PHC3: variants seen among roughly 807,000 people sequenced by gnomAD.
PHC3 encodes the protein polyhomeotic-like protein 3.
In PHC3, 13 loss-of-function variants were observed where a neutral mutation model predicts 107.4. The ratio of observed to expected loss-of-function variants is 0.12; its 90% confidence interval spans 0.08 to 0.19. The LOEUF (loss-of-function observed/expected upper bound fraction) is 0.19. Ranked by LOEUF, PHC3 falls within the 10% of genes least tolerant of loss-of-function variation. The probability of loss-of-function intolerance (pLI) is 1.00; values close to 1 mark genes in which losing one functional copy is unlikely to be tolerated. For synonymous variants in PHC3, 456 were observed against 427.4 expected (o/e 1.07, Z -0.83); for missense variants, 992 against 1,210.9 (o/e 0.82, Z 2.68).
chr3:170,177,765 G>A (rs1246838859), intron 2 of PHC3, among the ~76,000 whole-genome samples: 1 of 150,978 alleles, frequency 6.6e-6, no homozygotes, highest in African/African-American at 2.4e-5. Context: ...TGACCTCCTG[G>A]GCTCAAGCAA....
chr3:170,142,306 T>C (rs1447463161), intron 6 of PHC3, among the ~76,000 whole-genome samples: 1 of 152,216 alleles, frequency 6.6e-6, no homozygotes, highest in Non-Finnish European at 1.5e-5. Flanking sequence ...AATAATAAAA[T>C]GGTAGAGCAA....
intron 4 of PHC3, among the ~76,000 whole-genome samples, chr3:170,163,916 C>G (rs1728324463): frequency 6.9e-6 from 1 of 145,144 alleles, no homozygotes; most frequent in Non-Finnish European, 1.5e-5. Flanking sequence ...TATAGGAAAG[C>G]AGGCCAGGCA....
chr3:170,099,180 T>C (rs564076588), intron 14 of PHC3, among the ~76,000 whole-genome samples: 2 of 152,328 alleles, frequency 1.3e-5, no homozygotes, highest in South Asian at 2.1e-4. Context: ...GAGGAAAATA[T>C]GTAGCACATT....
chr3:170,107,261 G>C (rs1320908969), intron 11 of PHC3, among the ~76,000 whole-genome samples: 17 of 152,174 alleles, frequency 1.1e-4, no homozygotes, highest in Non-Finnish European at 5.9e-5. Context: ...AAATGAAGAT[G>C]AATAACATAG....
chr3:170,156,330 C>T (rs1726892461), intron 4 of PHC3, among the ~76,000 whole-genome samples: 1 of 152,154 alleles, frequency 6.6e-6, no homozygotes, highest in Non-Finnish European at 1.5e-5. Flanking sequence ...AATCTCCGCT[C>T]ACTGCAACCT....
At chr3:170,139,632 A>G (rs1418513192) in intron 6 of PHC3, among the ~76,000 whole-genome samples, 1 of 152,234 alleles carries the variant, frequency 6.6e-6, no homozygotes, top group African/African-American at 2.4e-5. Flanking sequence ...ATATACTTAC[A>G]TACACTATGT....
intron 7 of PHC3, among the ~76,000 whole-genome samples, chr3:170,130,932 G>T (rs576682139): frequency 3.4e-4 from 51 of 151,492 alleles, no homozygotes; most frequent in African/African-American, 1.1e-3. Flanking sequence ...CCTAACCTTG[G>T]AATATTAGGA....
rs1029976586 is a variant in PHC3, at chr3:170,087,988, C to T, written c.*9242G>A. The T allele has an allele frequency of 6.6e-6, 1 of 152,062 alleles. No individual in the cohort carries two copies. Among genetic ancestry groups the T allele is most frequent in the Non-Finnish European group, 1.5e-5 (1 of 67,996 alleles). 9.4% of individuals were successfully genotyped at this position (152,062 alleles called of 1,614,324 possible). A position where few individuals can be genotyped will look rare whatever the true frequency, so the allele number is the denominator to read the frequency against. Reference sequence around the variant, plus strand: ...ATAGATCAAATGTGCTCTTACAATGCAAAATTAACCTTCATTTTCAGGTTA... The same window carrying T: ...ATAGATCAAATGTGCTCTTACAATGTAAAATTAACCTTCATTTTCAGGTTA... On this transcript the variant is annotated 3_prime_UTR_variant, in exon 15 of 15. Transcript: ENST00000495893.
intron 14 of PHC3, among the ~76,000 whole-genome samples, chr3:170,100,536 A>C (rs1715305625): frequency 6.6e-6 from 1 of 152,206 alleles, no homozygotes; most frequent in Non-Finnish European, 1.5e-5. Flanking sequence ...CCAGACTCTA[A>C]AATAGTAGTA....
chr3:170,173,584 ATTGAG>A (rs926499059), intron 2 of PHC3, among the ~76,000 whole-genome samples: 7 of 152,206 alleles, frequency 4.6e-5, no homozygotes, highest in African/African-American at 1.7e-4. Context: ...CAACTAAAGA[ATTGAG>A]TTAATTTTAA....
intron 7 of PHC3, among the ~76,000 whole-genome samples, chr3:170,135,676 TA>T (rs1363120535): frequency 0.014 from 1,987 of 144,396 alleles, 42 homozygotes; most frequent in African/African-American, 0.045. Context: ...TCAGGAAATT[TA>T]AAAAAAAAAA....
rs1714653508 is a variant in PHC3, at chr3:170,096,422, TATAAG to T, written c.*803_*807del. On this transcript the variant is annotated 3_prime_UTR_variant, in exon 15 of 15. Coordinates refer to ENST00000495893, the MANE Select transcript of PHC3 (RefSeq NM_024947.4). Reference sequence around the variant, plus strand: ...AGTGGAGGGGTGCTGTCCTGTGCATTATAAGATGTTTAGAAACATCTCTGGCTTCT... The same window carrying T: ...AGTGGAGGGGTGCTGTCCTGTGCATTATGTTTAGAAACATCTCTGGCTTCT... The T allele has an allele frequency of 2.6e-5, 4 of 152,060 alleles. No homozygotes were observed. The highest frequency in any genetic ancestry group is 4.1e-4 in the South Asian group (2 of 4,820). 9.4% of individuals were successfully genotyped at this position (152,060 alleles called of 1,614,324 possible).
At chr3:170,168,215 TCTCC>T (rs1193862440) in intron 4 of PHC3, among the ~76,000 whole-genome samples, 1 of 151,294 alleles carries the variant, frequency 6.6e-6, no homozygotes. Flanking sequence ...AGGCTAAAAT[TCTCC>T]CTGTCTTCCC....
chr3:170,153,529 C>T (rs1316283216), intron 4 of PHC3, among the ~76,000 whole-genome samples: 1 of 151,918 alleles, frequency 6.6e-6, no homozygotes, highest in Non-Finnish European at 1.5e-5. Context: ...TTTGGGAGGC[C>T]GAGGCGGGCG....
chr3:170,157,198 CAT>C (rs1491212048), intron 4 of PHC3, among the ~76,000 whole-genome samples: 12 of 152,072 alleles, frequency 7.9e-5, no homozygotes, highest in Non-Finnish European at 1.3e-4. Flanking sequence ...TGTCTGCAAA[CAT>C]AAAAAGATCT....
chr3:170,123,948 G>A (rs1031233116), intron 8 of PHC3, among the ~76,000 whole-genome samples: 3 of 151,748 alleles, frequency 2.0e-5, no homozygotes, highest in Admixed American at 2.0e-4. Flanking sequence ...CTGGGTTCAA[G>A]CGATTCTCCT....
intron 14 of PHC3, chr3:170,102,249 AAGC>A: frequency 1.0e-6 from 1 of 985,416 alleles, no homozygotes; most frequent in Non-Finnish European, 1.2e-6. Flanking sequence ...GTCACAGCAG[AAGC>A]AGGACTAGTC....
Position 170,144,156 on chromosome 3 carries a change from CT to C in PHC3, c.672+1266del, listed in dbSNP as rs201264827. ...CTAACATGGTGAAACCCTGTTTCTA[CT>C]TAAAAAAAAAAAAAAAAAGAAAAAA... On this transcript the variant is annotated intron_variant, in intron 6 of 14. Transcript: ENST00000495893. Among the ~76,000 whole-genome samples the C allele has an allele frequency of 9.3e-3, 1,148 of 123,148 alleles. 18 individuals are homozygous for C. Among genetic ancestry groups the C allele is most frequent in the African/African-American group, 0.034 (1,099 of 32,514 alleles). 80.8% of individuals were successfully genotyped at this position (123,148 alleles called of 152,430 possible).
chr3:170,108,807 T>G (rs1169728454), intron 11 of PHC3, among the ~76,000 whole-genome samples: 1 of 152,192 alleles, frequency 6.6e-6, no homozygotes, highest in Non-Finnish European at 1.5e-5. Flanking sequence ...TCAGGGTTAT[T>G]CCAGGAACAG....
Sources: gnomAD v4.1 joint callset for allele counts (sites outside exome capture counted in the v4.1 genomes callset) on GRCh38, gnomAD v4.1.1 for gene constraint, MANE v1.5 for transcripts, NCBI Gene and HGNC (gene_info 2026-07-23, HGNC 2026-07-21) for gene names.